The following SYT1 variants were observed in gnomAD, a reference collection of about 807,000 sequenced individuals.
SYT1 encodes the protein synaptotagmin 1.
In SYT1, 8 loss-of-function variants were observed where a neutral mutation model predicts 44.8. The observed-to-expected ratio is 0.18, with a 90% CI of 0.10 to 0.32. The LOEUF is 0.32. SYT1 is among the 10% of genes least tolerant of loss of function. The pLI, the probability that SYT1 is intolerant of heterozygous loss-of-function variation, is 1.00. For synonymous variants in SYT1, 154 were observed against 188.8 expected (o/e 0.82, Z 1.51); for missense variants, 286 against 509.3 (o/e 0.56, Z 4.22).
chr12:79,126,621 G>C (rs1019525307), intron 3 of SYT1, among the ~76,000 whole-genome samples: 7 of 152,260 alleles, frequency 4.6e-5, no homozygotes, highest in African/African-American at 1.7e-4. Flanking sequence ...AGCGACTTTG[G>C]AGGATTTATA....
chr12:79,342,055 A>G (rs144632120), intron 8 of SYT1, among the ~76,000 whole-genome samples: 72 of 152,262 alleles, frequency 4.7e-4, no homozygotes, highest in African/African-American at 1.7e-3. Flanking sequence ...ACAGTTAATG[A>G]TATAAAGAAG....
chr12:78,914,175 T>TATAAAAGTAAATTTTCAA (rs1876509196), intron 1 of SYT1, among the ~76,000 whole-genome samples: 1 of 151,968 alleles, frequency 6.6e-6, no homozygotes, highest in East Asian at 1.9e-4. Context: ...CATATATATA[T>TATAAAAGTAAATTTTCAA]ATAAAAGTAA....
At chr12:79,354,344 G>A (rs1883028905) in intron 9 of SYT1, among the ~76,000 whole-genome samples, 2 of 152,110 alleles carry the variant, frequency 1.3e-5, no homozygotes, top group Non-Finnish European at 2.9e-5. Context: ...TAAAGTGTGA[G>A]GAATTTTCTT....
rs374512353 is a variant in SYT1 at position 78,955,874 on chromosome 12, G to A, written c.-216-21925G>A. On this transcript the variant is annotated intron_variant, in intron 1 of 10. Transcript: ENST00000261205. ...GAGAGAGAGAGAGAAGCACTCAAAT[G>A]CAATGTCTGCACTATCAATTGCATT... Among the ~76,000 whole-genome samples the A allele has an allele frequency of 1.8e-4, 27 of 147,498 alleles. 1 individual carries two copies. Among genetic ancestry groups the A allele is most frequent in the East Asian group, 6.4e-4 (3 of 4,686 alleles).
At chr12:79,370,606 C>CA (rs2136047657) in intron 9 of SYT1, among the ~76,000 whole-genome samples, 1 of 152,048 alleles carries the variant, frequency 6.6e-6, no homozygotes, top group East Asian at 1.9e-4. Context: ...ACTAAAAATA[C>CA]AAAAAATTTA....
At chr12:78,911,047 G>A (rs908645257) in intron 1 of SYT1, among the ~76,000 whole-genome samples, 1 of 151,970 alleles carries the variant, frequency 6.6e-6, no homozygotes, top group Non-Finnish European at 1.5e-5. Context: ...GCCACTGAAA[G>A]GTGTTGAACA....
In SYT1 at chr12:79,451,188, C is replaced by T. The variant is rs1871038445; in HGVS notation, c.*2064C>T. On this transcript the variant is annotated 3_prime_UTR_variant, in exon 11 of 11. Transcript: ENST00000261205. The stretch of plus-strand genomic sequence containing the variant: ...GGGCAAGCTCTTTTGCCTTTTAGGC[C>T]AGACATAGCAAACGCTTTATAATTG... The T allele has an allele frequency of 6.6e-6, 1 of 152,112 alleles. No individual in the cohort carries two copies. Among genetic ancestry groups the T allele is most frequent in the Non-Finnish European group, 1.5e-5 (1 of 68,024 alleles). 9.4% of individuals were successfully genotyped at this position (152,112 alleles called of 1,614,324 possible).
chr12:79,131,381 C>T (rs1485594740), intron 3 of SYT1, among the ~76,000 whole-genome samples: 1 of 151,946 alleles, frequency 6.6e-6, no homozygotes, highest in African/African-American at 2.4e-5. Flanking sequence ...ATTCCTTCAA[C>T]AAGGGTTTTT....
At chr12:79,065,863 G>A (rs1875806180) in intron 3 of SYT1, among the ~76,000 whole-genome samples, 1 of 151,878 alleles carries the variant, frequency 6.6e-6, no homozygotes, top group African/African-American at 2.4e-5. Flanking sequence ...AGCTTAATTG[G>A]TAATGAGCAG....
At chr12:79,035,821 C>T (rs1314706250) in intron 2 of SYT1, among the ~76,000 whole-genome samples, 4 of 151,622 alleles carry the variant, frequency 2.6e-5, no homozygotes, top group African/African-American at 7.3e-5. Context: ...GCTTGTAATG[C>T]TTTTTAAATA....
chr12:79,361,985 T>C (rs1248958141), intron 9 of SYT1, among the ~76,000 whole-genome samples: 1 of 152,206 alleles, frequency 6.6e-6, no homozygotes, highest in Non-Finnish European at 1.5e-5. Context: ...TGGGACTCTT[T>C]GGGTCAAAAT....
At chr12:79,071,894 C>T (rs1876305815) in intron 3 of SYT1, among the ~76,000 whole-genome samples, 1 of 152,014 alleles carries the variant, frequency 6.6e-6, no homozygotes, top group Admixed American at 6.6e-5. Context: ...TCATAGATAC[C>T]GGGGATTAGG....
At chr12:79,206,344 G>A (rs1333981860) in intron 3 of SYT1, among the ~76,000 whole-genome samples, 2 of 152,108 alleles carry the variant, frequency 1.3e-5, no homozygotes, top group African/African-American at 4.8e-5. Flanking sequence ...AAAGGTTTCA[G>A]ACGACAACCC....
At chr12:78,980,845 G>A (rs1448193689) in intron 2 of SYT1, among the ~76,000 whole-genome samples, 1 of 152,036 alleles carries the variant, frequency 6.6e-6, no homozygotes, top group African/African-American at 2.4e-5. Context: ...GAAATTAAAA[G>A]AGGGGGTAGA....
At chr12:79,088,072 A>G (rs538090148) in intron 3 of SYT1, among the ~76,000 whole-genome samples, 8 of 152,066 alleles carry the variant, frequency 5.3e-5, no homozygotes, top group Non-Finnish European at 1.2e-4. Flanking sequence ...CATAATAACC[A>G]GGCCTCTCTC....
intron 4 of SYT1, among the ~76,000 whole-genome samples, chr12:79,224,796 A>G (rs1016847522): frequency 6.9e-6 from 1 of 144,904 alleles, no homozygotes; most frequent in South Asian, 2.2e-4. Flanking sequence ...TATTATTATT[A>G]GAGACAGAGT....
intron 1 of SYT1, among the ~76,000 whole-genome samples, chr12:78,921,467 T>G (rs1359073001): frequency 6.6e-6 from 1 of 152,012 alleles, no homozygotes; most frequent in African/African-American, 2.4e-5. Context: ...TTCTTAAACA[T>G]AACCCTTCAA....
intron 1 of SYT1, among the ~76,000 whole-genome samples, chr12:78,915,762 T>C (rs1002536030): frequency 2.6e-5 from 4 of 152,028 alleles, no homozygotes; most frequent in African/African-American, 7.2e-5. Context: ...TACAATTACA[T>C]TGATATTTAA....
At chr12:78,910,148 C>T (rs927703873) in intron 1 of SYT1, among the ~76,000 whole-genome samples, 9 of 151,922 alleles carry the variant, frequency 5.9e-5, no homozygotes, top group Admixed American at 5.3e-4. Context: ...TATTTACCTA[C>T]TAGGTTGTAA....
Sources: allele counts gnomAD v4.1 joint callset (sites outside exome capture counted in the v4.1 genomes callset), GRCh38; gene constraint gnomAD v4.1.1; transcripts MANE v1.5; gene names NCBI Gene and HGNC (gene_info 2026-07-23, HGNC 2026-07-21).